GRAMD1C: variants seen among roughly 807,000 people sequenced by gnomAD.
GRAMD1C encodes the protein GRAM domain containing 1C.
GRAMD1C carries 89 observed loss-of-function variants against 97.8 expected under a neutral mutation model. The ratio of observed to expected loss-of-function variants is 0.91; its 90% CI spans 0.77 to 1.09. GRAMD1C has a LOEUF of 1.09. GRAMD1C is among the 50% of genes least tolerant of loss of function. GRAMD1C has a pLI of 0.00. For synonymous variants in GRAMD1C, 256 were observed against 267.0 expected (o/e 0.96, Z 0.40); for missense variants, 740 against 766.4 (o/e 0.97, Z 0.41).
intron 1 of GRAMD1C, among the ~76,000 whole-genome samples, chr3:113,842,835 C>T (rs554498268): frequency 7.2e-4 from 109 of 151,768 alleles, no homozygotes; most frequent in Non-Finnish European, 1.1e-3. Flanking sequence ...AGGTGGTGCA[C>T]GCTTGTAATC....
upstream of GRAMD1C, among the ~76,000 whole-genome samples, chr3:113,834,831 T>C (rs1377902302): frequency 6.7e-6 from 1 of 150,084 alleles, no homozygotes; most frequent in African/African-American, 2.5e-5. Context: ...TCCCAGCTAC[T>C]CCAGAGGCTG....
intron 9 of GRAMD1C, 24 bp downstream of exon 9, chr3:113,909,144 A>T (rs760865265): frequency 1.6e-6 from 2 of 1,252,366 alleles, no homozygotes; most frequent in East Asian, 2.6e-5. Flanking sequence ...TATAAATTTT[A>T]TTAAATTTCA....
At chr3:113,838,580 A>G (rs1361386078), upstream of GRAMD1C, 7 of 276,740 alleles carry the variant, frequency 2.5e-5, no homozygotes, top group African/African-American at 1.1e-4. Context: ...CGTCTCAAAA[A>G]AAAAAAAAAA....
intron 6 of GRAMD1C, chr3:113,886,064 G>T: frequency 2.2e-6 from 3 of 1,363,072 alleles, no homozygotes; most frequent in Admixed American, 2.1e-5. Context: ...GTTGGGGTGG[G>T]GGGGCGGGGG....
chr3:113,933,814 C>G (rs1330196355), intron 12 of GRAMD1C, among the ~76,000 whole-genome samples, 161 bp downstream of exon 12: 1 of 152,162 alleles, frequency 6.6e-6, no homozygotes, highest in Non-Finnish European at 1.5e-5. Flanking sequence ...TCACCTAAGG[C>G]CCCCGCTTGA....
chr3:113,880,065 C>G (rs781063362), intron 5 of GRAMD1C, among the ~76,000 whole-genome samples: 10 of 152,148 alleles, frequency 6.6e-5, no homozygotes, highest in Non-Finnish European at 1.5e-4. Flanking sequence ...GCCTCCCACA[C>G]TCCTAGTGTG....
chr3:113,834,671 T>C (rs113529428), upstream of GRAMD1C, among the ~76,000 whole-genome samples: 2,684 of 151,438 alleles, frequency 0.018, 74 homozygotes, highest in African/African-American at 0.059. Flanking sequence ...CACGGTGGCT[T>C]ACACCTGTAA....
At chr3:113,876,620 AC>A (rs1935046371) in intron 5 of GRAMD1C, among the ~76,000 whole-genome samples, 1 of 149,432 alleles carries the variant, frequency 6.7e-6, no homozygotes, top group Non-Finnish European at 1.5e-5. Flanking sequence ...AGAGATTTGG[AC>A]AGCATACACA....
chr3:113,881,193 C>T (rs1022481023), intron 5 of GRAMD1C, among the ~76,000 whole-genome samples: 2 of 152,114 alleles, frequency 1.3e-5, no homozygotes, highest in Non-Finnish European at 2.9e-5. Flanking sequence ...CTCACTCTGT[C>T]GCCCAGGCTG....
intron 3 of GRAMD1C, among the ~76,000 whole-genome samples, chr3:113,870,974 G>GACACAC (rs550859238): frequency 2.7e-3 from 205 of 76,252 alleles, no homozygotes; most frequent in African/African-American, 7.0e-3. Context: ...ATAAATAAAA[G>GACACAC]ACACACACAC....
intron 2 of GRAMD1C, among the ~76,000 whole-genome samples, chr3:113,850,077 C>A (rs1343363592): frequency 6.6e-6 from 1 of 152,170 alleles, no homozygotes; most frequent in Non-Finnish European, 1.5e-5. Context: ...GGCTGAACCC[C>A]CAACTCCCTC....
chr3:113,875,757 A>AT (rs1200963586), intron 4 of GRAMD1C, 170 bp downstream of exon 4: 2 of 452,768 alleles, frequency 4.4e-6, no homozygotes, highest in African/African-American at 4.0e-5. Context: ...TGTATAATAT[A>AT]TTTTTCTGAT....
At chr3:113,938,367 C>T in intron 15 of GRAMD1C, 1 of 363,012 alleles carries the variant, frequency 2.8e-6, no homozygotes, top group Non-Finnish European at 4.9e-6. Flanking sequence ...ACTCATTCAA[C>T]AGATGTTTTT....
intron 2 of GRAMD1C, among the ~76,000 whole-genome samples, chr3:113,849,297 TTATTTATTTA>T (rs1933751434): frequency 1.3e-5 from 2 of 150,072 alleles, no homozygotes; most frequent in Non-Finnish European, 3.0e-5. Context: ...ATTTATTTAT[TTATTTATTTA>T]TTTTTTATTG....
chr3:113,916,253 A>G (rs1469918893), intron 10 of GRAMD1C, among the ~76,000 whole-genome samples: 3 of 152,208 alleles, frequency 2.0e-5, no homozygotes, highest in South Asian at 2.1e-4. Flanking sequence ...ACTCCTAGGT[A>G]TACATTCATC....
At chr3:113,886,566 G>A (rs1036161154) in intron 6 of GRAMD1C, among the ~76,000 whole-genome samples, 1 of 151,706 alleles carries the variant, frequency 6.6e-6, no homozygotes, top group South Asian at 2.1e-4. Context: ...CCTCAGACCT[G>A]TAACCAGCTT....
At chr3:113,880,116 G>T (rs554032009) in intron 5 of GRAMD1C, among the ~76,000 whole-genome samples, 1 of 152,102 alleles carries the variant, frequency 6.6e-6, no homozygotes, top group Non-Finnish European at 1.5e-5. Context: ...CTTTAGGGCT[G>T]AACTGTTCAG....
At chr3:113,860,529 G>A (rs1259214074) in intron 2 of GRAMD1C, among the ~76,000 whole-genome samples, 2 of 152,098 alleles carry the variant, frequency 1.3e-5, no homozygotes, top group Non-Finnish European at 2.9e-5. Flanking sequence ...TGGTCAAGCA[G>A]TACCCAAGCT....
At chr3:113,858,144 T>C (rs934168332) in intron 2 of GRAMD1C, among the ~76,000 whole-genome samples, 2 of 152,198 alleles carry the variant, frequency 1.3e-5, no homozygotes, top group African/African-American at 4.8e-5. Flanking sequence ...AAATTTTTAA[T>C]TGTGAACTTA....
Sources: allele counts gnomAD v4.1 joint callset (sites outside exome capture counted in the v4.1 genomes callset), GRCh38; gene constraint gnomAD v4.1.1; transcripts MANE v1.5; gene names NCBI Gene and HGNC (gene_info 2026-07-23, HGNC 2026-07-21).